Variants in CPD observed in about 807,000 individuals in gnomAD.
The protein encoded by CPD is carboxypeptidase D.
In CPD, 69 loss-of-function variants were observed where a neutral mutation model predicts 138.3. The observed-to-expected ratio is 0.50, with a 90% CI of 0.41 to 0.61. CPD has a LOEUF of 0.61. Ranked by LOEUF, CPD falls within the 20% of genes least tolerant of loss-of-function variation. CPD has a pLI of 0.00. For missense variants in CPD, 1,432 were observed against 1,733.3 expected, an observed-to-expected ratio of 0.83 and a Z score of 3.09; for synonymous variants, 651 against 642.1, an observed-to-expected ratio of 1.01 and a Z score of -0.21.
At chr17:30,414,397 A>G (rs1912049616) in intron 2 of CPD, among the ~76,000 whole-genome samples, 1 of 152,074 alleles carries the variant, frequency 6.6e-6, no homozygotes, top group South Asian at 2.1e-4. Flanking sequence ...AACATGGTGA[A>G]ACCCCGTCTC....
In CPD at chr17:30,401,816, T is replaced by C. The variant is rs983686999; in HGVS notation, c.994+16580T>C. Among the ~76,000 whole-genome samples the C allele has an allele frequency of 2.4e-4, 36 of 152,156 alleles. 1 individual carries two copies. The highest frequency in any genetic ancestry group is 7.9e-4 in the African/African-American group (33 of 41,516). On this transcript the variant is annotated intron_variant, in intron 2 of 20. Transcript: ENST00000225719. ...TTTTTCTGTCTTTGGTTTTCAGCAG[T>C]TTGATTATAAAATACCCATGCATGG...
chr17:30,433,713 A>G lies in CPD; in HGVS notation c.2127+1832A>G, dbSNP rs115185832. On this transcript the variant is annotated intron_variant, in intron 8 of 20. Transcript: ENST00000225719. ...TTGACTCCCTGGCTCAGTTCCCACT[A>G]TGGTGATTCAGAGCCTTTATCCTCT... Among the ~76,000 whole-genome samples the G allele has an allele frequency of 1.2e-3, 181 of 152,330 alleles. 2 individuals carry two copies. The highest frequency in any genetic ancestry group is 3.9e-3 in the African/African-American group (164 of 41,578).
Position 30,462,030 on chromosome 17 carries a change from A to G in CPD, c.3784A>G (p.Ile1262Val). ...LAPGVHNIIA[I>V]ADGYQQQHSQ... ...GCCAGGTGTCCATAACATTATTGCC[A>G]TCGCTGATGGGTACCAGCAACAACA... Residue 1262 changes from isoleucine (I) to valine (V), a missense_variant, in exon 19 of 21, where the codon ATC (isoleucine) becomes GTC (valine). Around this residue, in one of 6 missense-constraint regions of CPD, gnomAD observed 366 missense variants for 518.8 expected, o/e 0.71. Transcript: ENST00000225719. 2 of 1,613,262 alleles carry G rather than the reference A, an allele frequency of 1.2e-6. No individual in the cohort carries two copies. Among genetic ancestry groups the G allele is most frequent in the Non-Finnish European group, 8.5e-7 (1 of 1,179,692 alleles).
chr17:30,406,708 G>C (rs1449333474), intron 2 of CPD, among the ~76,000 whole-genome samples: 1 of 152,172 alleles, frequency 6.6e-6, no homozygotes, highest in Non-Finnish European at 1.5e-5. Flanking sequence ...CATAATGAAA[G>C]TGTGAGTTGG....
At chr17:30,407,991 G>C (rs1057188106) in intron 2 of CPD, among the ~76,000 whole-genome samples, 1 of 152,262 alleles carries the variant, frequency 6.6e-6, no homozygotes, top group East Asian at 1.9e-4. Flanking sequence ...GTTAATTTTT[G>C]TATGAGGTGT....
At chr17:30,403,898 T>C (rs972978250) in intron 2 of CPD, among the ~76,000 whole-genome samples, 1 of 152,038 alleles carries the variant, frequency 6.6e-6, no homozygotes, top group Non-Finnish European at 1.5e-5. Context: ...GATAAGCAAA[T>C]TGAACTACTT....
In CPD at chr17:30,385,242, C is replaced by CAA. The variant is rs754676054; in HGVS notation, c.994+8_994+9dup. ...ACATTGGTATGATGTGGAAGGTATGCAAAGCATTGAGTTTGCTACATTTTC... is the reference window on the plus strand; with the variant it reads ...ACATTGGTATGATGTGGAAGGTATGCAAAAAGCATTGAGTTTGCTACATTTTC... On this transcript the variant is annotated splice_region_variant and intron_variant, in intron 2 of 20. Transcript: ENST00000225719. The CAA allele has an allele frequency of 1.2e-6, 2 of 1,613,340 alleles. No homozygotes were observed. The highest frequency in any genetic ancestry group is 1.7e-6 in the Non-Finnish European group (2 of 1,179,466).
At chr17:30,427,650 T>A in intron 7 of CPD, 92 bp downstream of exon 7, 1 of 1,126,218 alleles carries the variant, frequency 8.9e-7, no homozygotes, top group Non-Finnish European at 1.3e-6. Context: ...TTATGCTTTC[T>A]TAAAATGAGT....
intron 1 of CPD, among the ~76,000 whole-genome samples, chr17:30,384,449 A>G (rs1911128566): frequency 6.6e-6 from 1 of 152,212 alleles, no homozygotes; most frequent in South Asian, 2.1e-4. Context: ...GAATTTACGT[A>G]TTATGAAATA....
In CPD at chr17:30,455,365, G is replaced by T; in HGVS notation, c.3232G>T (p.Ala1078Ser). ...TAATGCCTCCCAACCTGAGACCAAAGCCATCATTGAAAATTTGATTCAAAA... is the reference window on the plus strand; with the variant it reads ...TAATGCCTCCCAACCTGAGACCAAATCCATCATTGAAAATTTGATTCAAAA... ...TNNASQPETK[A>S]IIENLIQKQD... The change falls in exon 15 of 21, where the codon GCC becomes TCC. Residue 1078 changes from alanine to serine, a missense_variant. By Grantham distance (99) the Ala-to-Ser change is moderately conservative. This residue lies in a region of CPD where 366 missense variants were observed against 518.8 expected (regional missense o/e 0.71). Coordinates refer to ENST00000225719, the MANE Select transcript of CPD (RefSeq NM_001304.5). 1 of 1,613,008 alleles carries T rather than the reference G, an allele frequency of 6.2e-7. No individual in the cohort carries two copies. The highest frequency in any genetic ancestry group is 1.3e-5 in the African/African-American group (1 of 74,954).
intron 1 of CPD, among the ~76,000 whole-genome samples, chr17:30,381,284 A>T (rs541172184): frequency 6.6e-6 from 1 of 152,296 alleles, no homozygotes; most frequent in Non-Finnish European, 1.5e-5. Flanking sequence ...CACCGTTTGC[A>T]TTGCTTAAAT....
intron 6 of CPD, 113 bp from the exon 7 acceptor site, chr17:30,427,278 C>T (rs944292806): frequency 6.6e-5 from 54 of 823,164 alleles, no homozygotes; most frequent in African/African-American, 1.2e-4. Context: ...TTGATAATAG[C>T]GAAGCCTGAT....
chr17:30,393,755 G>A (rs1008958125), intron 2 of CPD, among the ~76,000 whole-genome samples: 1 of 152,216 alleles, frequency 6.6e-6, no homozygotes, highest in African/African-American at 2.4e-5. Context: ...GAAACCAGCT[G>A]TCACGCTTAG....
At chr17:30,432,775 C>A (rs552276758) in intron 8 of CPD, among the ~76,000 whole-genome samples, 2 of 151,754 alleles carry the variant, frequency 1.3e-5, no homozygotes, top group African/African-American at 4.8e-5. Flanking sequence ...AAAAATTAGC[C>A]GGTTGTGGTG....
intron 20 of CPD, among the ~76,000 whole-genome samples, chr17:30,463,779 G>A (rs1278543097): frequency 1.3e-5 from 2 of 152,124 alleles, no homozygotes; most frequent in African/African-American, 4.8e-5. Context: ...TGTTTAAAGG[G>A]TTCTTAGCTT....
chr17:30,401,303 C>CTCCTCT (rs1040457083), intron 2 of CPD, among the ~76,000 whole-genome samples: 1 of 151,190 alleles, frequency 6.6e-6, no homozygotes, highest in Non-Finnish European at 1.5e-5. Context: ...TCTCCTCTTA[C>CTCCTCT]TCCTCTTCCT....
chr17:30,451,097 A>T (rs1913155086), intron 13 of CPD, among the ~76,000 whole-genome samples: 1 of 152,232 alleles, frequency 6.6e-6, no homozygotes, highest in African/African-American at 2.4e-5. Flanking sequence ...GATAATGATT[A>T]TCTCCATTTT....
chr17:30,380,221 A>C, intron 1 of CPD: 1 of 168,272 alleles, frequency 5.9e-6, no homozygotes, highest in East Asian at 1.7e-4. Flanking sequence ...AGATTGGTTA[A>C]CTGATTTACA....
At chr17:30,415,243 T>C (rs908142276) in intron 2 of CPD, among the ~76,000 whole-genome samples, 1 of 152,200 alleles carries the variant, frequency 6.6e-6, no homozygotes, top group African/African-American at 2.4e-5. Flanking sequence ...TATCTTCTAA[T>C]ACATCTCCAT....
Sources: gnomAD v4.1 joint callset for allele counts (sites outside exome capture counted in the v4.1 genomes callset) on GRCh38, gnomAD v4.1.1 for gene constraint, gnomAD v4.1.1 regional missense constraint, MANE v1.5 for transcripts, NCBI Gene and HGNC (gene_info 2026-07-23, HGNC 2026-07-21) for gene names.